The following NLGN1 variants were observed in gnomAD, a reference collection of about 807,000 sequenced individuals.
The protein encoded by NLGN1 is neuroligin 1.
NLGN1 carries 12 observed loss-of-function variants against 65.5 expected under a neutral mutation model. The ratio of observed to expected loss-of-function variants is 0.18; its 90% CI spans 0.12 to 0.30. NLGN1 has a LOEUF of 0.30. NLGN1 is among the 10% of genes least tolerant of loss of function. NLGN1 has a pLI of 1.00. For missense variants in NLGN1, 750 were observed against 1,007.1 expected (o/e 0.74, Z 3.46); for synonymous variants, 350 against 359.5 (o/e 0.97, Z 0.30).
intron 4 of NLGN1, among the ~76,000 whole-genome samples, chr3:173,808,644 T>C (rs1717197917): frequency 6.6e-6 from 1 of 152,166 alleles, no homozygotes; most frequent in Non-Finnish European, 1.5e-5. Flanking sequence ...CTGTGATGTA[T>C]TTAATTAACA....
At chr3:173,444,292 T>C (rs1269924044) in intron 2 of NLGN1, among the ~76,000 whole-genome samples, 1 of 152,224 alleles carries the variant, frequency 6.6e-6, no homozygotes, top group Non-Finnish European at 1.5e-5. Context: ...TGTGGCTCCA[T>C]ATCTGTATAA....
intron 4 of NLGN1, among the ~76,000 whole-genome samples, chr3:174,035,798 G>T (rs1410832533): frequency 6.6e-6 from 1 of 152,068 alleles, no homozygotes; most frequent in Non-Finnish European, 1.5e-5. Flanking sequence ...TTATAGTATT[G>T]CTGGTGAAAC....
chr3:173,416,702 T>A (rs980465342), intron 1 of NLGN1, among the ~76,000 whole-genome samples: 2 of 152,148 alleles, frequency 1.3e-5, no homozygotes, highest in African/African-American at 4.8e-5. Context: ...GCATCAAGAT[T>A]CGAAAGAAGA....
At chr3:173,938,046 T>C (rs1456889487) in intron 4 of NLGN1, among the ~76,000 whole-genome samples, 1 of 152,206 alleles carries the variant, frequency 6.6e-6, no homozygotes, top group Non-Finnish European at 1.5e-5. Context: ...CAAATACTTA[T>C]GGAGCACCTA....
At chr3:174,256,356 T>C (rs1391519212) in intron 4 of NLGN1, among the ~76,000 whole-genome samples, 1 of 152,220 alleles carries the variant, frequency 6.6e-6, no homozygotes, top group Non-Finnish European at 1.5e-5. Flanking sequence ...TCTCAGACAA[T>C]ATTTGAAATG....
At chr3:173,897,601 A>G (rs927396032) in intron 4 of NLGN1, among the ~76,000 whole-genome samples, 1 of 152,160 alleles carries the variant, frequency 6.6e-6, no homozygotes, top group African/African-American at 2.4e-5. Flanking sequence ...TCCAATGACA[A>G]TTTACATTTT....
chr3:174,194,489 C>A (rs547099828), intron 4 of NLGN1, among the ~76,000 whole-genome samples: 1 of 151,536 alleles, frequency 6.6e-6, no homozygotes, highest in South Asian at 2.1e-4. Flanking sequence ...CAATCTCCAT[C>A]ATTCTTTTGT....
At chr3:174,106,648 A>G (rs547957492) in intron 4 of NLGN1, among the ~76,000 whole-genome samples, 1 of 152,070 alleles carries the variant, frequency 6.6e-6, no homozygotes, top group Non-Finnish European at 1.5e-5. Context: ...AATGAGATAT[A>G]TAGAGAGATA....
intron 4 of NLGN1, among the ~76,000 whole-genome samples, chr3:173,842,557 T>C (rs1257127812): frequency 6.6e-6 from 1 of 151,982 alleles, no homozygotes; most frequent in African/African-American, 2.4e-5. Flanking sequence ...AGTGGAGAAA[T>C]TGGCCAAAAC....
chr3:174,107,007 C>CAG (rs1308441949), intron 4 of NLGN1, among the ~76,000 whole-genome samples: 2 of 120,494 alleles, frequency 1.7e-5, no homozygotes, highest in African/African-American at 3.9e-5. Context: ...CACACACACA[C>CAG]ACACACACAC....
intron 2 of NLGN1, among the ~76,000 whole-genome samples, chr3:173,477,812 T>C (rs560034336): frequency 6.6e-6 from 1 of 152,340 alleles, no homozygotes; most frequent in South Asian, 2.1e-4. Flanking sequence ...TGCCCACTTT[T>C]GAATGGGGTT....
At chr3:173,969,433 T>C (rs935577008) in intron 4 of NLGN1, among the ~76,000 whole-genome samples, 5 of 152,168 alleles carry the variant, frequency 3.3e-5, no homozygotes, top group African/African-American at 4.8e-5. Flanking sequence ...TTAATATTCA[T>C]ATATTACCCA....
intron 4 of NLGN1, among the ~76,000 whole-genome samples, chr3:173,980,318 C>T (rs140918606): frequency 1.3e-3 from 192 of 151,726 alleles, no homozygotes; most frequent in African/African-American, 4.4e-3. Flanking sequence ...TCATATTTTC[C>T]GTTATTTAAT....
chr3:173,889,861 T>G (rs191263364), intron 4 of NLGN1, among the ~76,000 whole-genome samples: 4 of 152,238 alleles, frequency 2.6e-5, no homozygotes, highest in Admixed American at 6.5e-5. Flanking sequence ...AACTTCAATC[T>G]TGAATGACTC....
chr3:173,819,245 TG>T (rs1461721108), intron 4 of NLGN1, among the ~76,000 whole-genome samples: 1 of 152,168 alleles, frequency 6.6e-6, no homozygotes, highest in Non-Finnish European at 1.5e-5. Context: ...AGTGGGTTTT[TG>T]GCTGACCCCT....
chr3:173,956,409 T>C (rs916789500), intron 4 of NLGN1, among the ~76,000 whole-genome samples: 2 of 152,198 alleles, frequency 1.3e-5, no homozygotes, highest in Admixed American at 1.3e-4. Flanking sequence ...TCCTCCTTCT[T>C]CCCTTATCTC....
At chr3:173,435,875 A>G in intron 2 of NLGN1, among the ~76,000 whole-genome samples, 1 of 152,168 alleles carries the variant, frequency 6.6e-6, no homozygotes, top group Non-Finnish European at 1.5e-5. Flanking sequence ...AAAAGTCTAT[A>G]CGATGCATTT....
intron 2 of NLGN1, among the ~76,000 whole-genome samples, chr3:173,488,517 C>T (rs190563852): frequency 1.1e-3 from 170 of 152,058 alleles, no homozygotes; most frequent in Non-Finnish European, 2.1e-3. Flanking sequence ...ATCTTTATTT[C>T]AGTCTTAGTT....
At chr3:173,501,702 G>A (rs549419577) in intron 2 of NLGN1, among the ~76,000 whole-genome samples, 18 of 150,654 alleles carry the variant, frequency 1.2e-4, no homozygotes, top group Middle Eastern at 3.5e-3. Flanking sequence ...AATTCTCTAC[G>A]TATAGAATTT....
Sources: allele counts gnomAD v4.1 joint callset (sites outside exome capture counted in the v4.1 genomes callset), GRCh38; gene constraint gnomAD v4.1.1; transcripts MANE v1.5; gene names NCBI Gene and HGNC (gene_info 2026-07-23, HGNC 2026-07-21).